The following SLC9A8 variants were observed in gnomAD, a reference collection of about 807,000 sequenced individuals.
SLC9A8 encodes the protein sodium/hydrogen exchanger 8.
In SLC9A8, 48 loss-of-function variants were observed where a neutral mutation model predicts 66.6. That is an observed-to-expected ratio of 0.72 (90% CI 0.57 to 0.92). SLC9A8 has a LOEUF of 0.92. SLC9A8 is among the 40% of genes least tolerant of loss of function. SLC9A8 has a pLI of 0.00. For synonymous variants in SLC9A8, 274 were observed against 282.6 expected (o/e 0.97, Z 0.31); for missense variants, 599 against 747.3 (o/e 0.80, Z 2.31).
At chr20:49,819,799 C>G (rs567009407) in intron 2 of SLC9A8, among the ~76,000 whole-genome samples, 1 of 152,120 alleles carries the variant, frequency 6.6e-6, no homozygotes, top group South Asian at 2.1e-4. Flanking sequence ...CCATATAATA[C>G]GTGGCCTTTT....
chr20:49,860,552 A>T (rs1447796372), intron 8 of SLC9A8, among the ~76,000 whole-genome samples: 1 of 151,976 alleles, frequency 6.6e-6, no homozygotes, highest in Admixed American at 6.6e-5. Flanking sequence ...CCCCGTCTCT[A>T]CTAAAAATAC....
At chr20:49,838,979 A>T (rs1209207455) in intron 3 of SLC9A8, among the ~76,000 whole-genome samples, 1 of 151,964 alleles carries the variant, frequency 6.6e-6, no homozygotes. Context: ...TTTGGTGGCC[A>T]CTTTATAAGA....
At chr20:49,857,868 G>A (rs1271062593) in intron 8 of SLC9A8, among the ~76,000 whole-genome samples, 1 of 152,148 alleles carries the variant, frequency 6.6e-6, no homozygotes, top group Non-Finnish European at 1.5e-5. Context: ...TTTGCAGGAG[G>A]AGCTTACCAA....
intron 6 of SLC9A8, among the ~76,000 whole-genome samples, chr20:49,850,350 A>G (rs1264834458): frequency 1.3e-5 from 2 of 152,202 alleles, no homozygotes; most frequent in African/African-American, 4.8e-5. Context: ...TCAGTTGCAG[A>G]AAGTTTGCCT....
chr20:49,833,567 G>A (rs912057320), intron 3 of SLC9A8, among the ~76,000 whole-genome samples: 9 of 152,202 alleles, frequency 5.9e-5, no homozygotes, highest in African/African-American at 1.2e-4. Context: ...GGGAGTGAGC[G>A]AGCGAGCATT....
chr20:49,859,339 A>AG (rs2088641487), intron 8 of SLC9A8, among the ~76,000 whole-genome samples: 1 of 152,198 alleles, frequency 6.6e-6, no homozygotes, highest in Non-Finnish European at 1.5e-5. Context: ...CTTAAGCATG[A>AG]GGGGGCTCAA....
chr20:49,890,342 T>C lies in SLC9A8; in HGVS notation c.*2406T>C, dbSNP rs1189908078. The stretch of plus-strand genomic sequence containing the variant: ...GTCTACCTTTAGCACACCCAATAAT[T>C]CTATTTGGGGCAGTGAATGCATAGA... On this transcript the variant is annotated 3_prime_UTR_variant, in exon 16 of 16. Coordinates refer to ENST00000361573, the MANE Select transcript of SLC9A8 (RefSeq NM_015266.3). 6.6e-6 allele frequency: 1 copy of C among 152,098 alleles called. No individual in the cohort carries two copies. Among genetic ancestry groups the C allele is most frequent in the East Asian group, 1.9e-4 (1 of 5,198 alleles). The allele number at this position is 152,098 out of a possible 1,614,324, so 9.4% of individuals were successfully genotyped here.
At chr20:49,883,528 A>G (rs1261249601) in intron 13 of SLC9A8, among the ~76,000 whole-genome samples, 1 of 152,176 alleles carries the variant, frequency 6.6e-6, no homozygotes, top group Non-Finnish European at 1.5e-5. Flanking sequence ...GGCTCAGCCC[A>G]CAGCAGCTGT....
At chr20:49,887,734 C>T in intron 15 of SLC9A8, 95 bp from the exon 16 acceptor site, 1 of 931,996 alleles carries the variant, frequency 1.1e-6, no homozygotes, top group Non-Finnish European at 1.6e-6. Context: ...CCACCTCCTC[C>T]CTAGACACCC....
intron 13 of SLC9A8, among the ~76,000 whole-genome samples, chr20:49,882,722 G>A (rs487096): frequency 1.3e-5 from 2 of 152,136 alleles, no homozygotes; most frequent in Non-Finnish European, 2.9e-5. Context: ...TGAATTGCCC[G>A]GTGGCCTGGC....
chr20:49,827,481 A>G (rs904752284), intron 3 of SLC9A8, among the ~76,000 whole-genome samples: 4 of 151,550 alleles, frequency 2.6e-5, no homozygotes, highest in Admixed American at 2.6e-4. Flanking sequence ...GTGCACGCCT[A>G]TAGTCCCAGC....
Position 49,886,926 on chromosome 20 carries a change from T to TG in SLC9A8, c.1638+33dup, listed in dbSNP as rs764287636. The TG allele has an allele frequency of 4.4e-6, 7 of 1,599,986 alleles. No homozygotes were observed. The highest frequency in any genetic ancestry group is 2.7e-5 in the African/African-American group (2 of 74,696). On this transcript the variant is annotated intron_variant, in intron 15 of 15. Transcript: ENST00000361573. This position sits in a 1 kb window ranked among gnomAD's most constrained non-coding sequence, Gnocchi z 4.8. ...GGGATACCGGCCAGGCCACACTTTC[T>TG]GGGGGTCCCTTGCCTGCCTCCTTCA...
At chr20:49,875,036 A>C (rs59452914) in intron 11 of SLC9A8, among the ~76,000 whole-genome samples, 1,773 of 152,306 alleles carry the variant, frequency 0.012, 47 homozygotes, top group African/African-American at 0.04. Context: ...TGGCGCCTAC[A>C]ATTTAAAGAC....
At chr20:49,821,704 C>T (rs945992532) in intron 2 of SLC9A8, among the ~76,000 whole-genome samples, 1 of 152,090 alleles carries the variant, frequency 6.6e-6, no homozygotes, top group Non-Finnish European at 1.5e-5. Flanking sequence ...AAAAGAAAGA[C>T]ATGCACGCTA....
At chr20:49,884,337 C>CACACACACACACACACACACACACACACA (rs1555848454) in intron 14 of SLC9A8, among the ~76,000 whole-genome samples, 6 of 72,360 alleles carry the variant, frequency 8.3e-5, no homozygotes, top group African/African-American at 1.7e-4. Flanking sequence ...CACACACACA[C>CACACACACACACACACACACACACACACA]CCCCCGGTCA....
intron 10 of SLC9A8, among the ~76,000 whole-genome samples, chr20:49,872,539 G>A (rs1215021760): frequency 6.6e-6 from 1 of 151,670 alleles, no homozygotes; most frequent in East Asian, 1.9e-4. Flanking sequence ...AGGCTGGAGT[G>A]CAGTGCCGCA....
At chr20:49,817,648 A>C (rs2086602750) in intron 2 of SLC9A8, among the ~76,000 whole-genome samples, 1 of 152,164 alleles carries the variant, frequency 6.6e-6, no homozygotes, top group Non-Finnish European at 1.5e-5. Context: ...AAAGATTTTA[A>C]TAATACGGTC....
At chr20:49,887,451 G>T (rs560971597) in intron 15 of SLC9A8, among the ~76,000 whole-genome samples, 1 of 152,286 alleles carries the variant, frequency 6.6e-6, no homozygotes, top group South Asian at 2.1e-4. Flanking sequence ...TCCTTCTCCA[G>T]CATCCTGTGC....
At chr20:49,873,513 T>C (rs2089293929) in intron 10 of SLC9A8, among the ~76,000 whole-genome samples, 1 of 142,890 alleles carries the variant, frequency 7.0e-6, no homozygotes, top group Non-Finnish European at 1.5e-5. Flanking sequence ...AGGCCGGGCA[T>C]GTTGGCTTAC....
Sources: allele counts gnomAD v4.1 joint callset (sites outside exome capture counted in the v4.1 genomes callset), GRCh38; gene constraint gnomAD v4.1.1; non-coding constraint Gnocchi (gnomAD v3.1); transcripts MANE v1.5; gene names NCBI Gene and HGNC (gene_info 2026-07-23, HGNC 2026-07-21).